Variants in OR7A17 observed in about 807,000 individuals in gnomAD.
The protein encoded by OR7A17 is olfactory receptor family 7 subfamily A member 17.
For synonymous variants in OR7A17, 159 were observed against 142.1 expected, an observed-to-expected ratio of 1.12 and a Z score of -0.85; for missense variants, 366 against 365.5, an observed-to-expected ratio of 1.00 and a Z score of -0.01.
Position 14,880,406 on chromosome 19 carries a change from T to C in OR7A17, c.*20A>G. ...ACTTAAAGCTCTGAAATCACAGTTA[T>C]TTCTTGAAAAATGGCCCTTTTATTG... On this transcript the variant is annotated 3_prime_UTR_variant, in exon 3 of 3. Coordinates refer to ENST00000641113, the MANE Select transcript of OR7A17 (RefSeq NM_030901.2). 1.9e-6 allele frequency: 3 copies of C among 1,540,872 alleles called. No individual in the cohort carries two copies. Among genetic ancestry groups the C allele is most frequent in the Non-Finnish European group, 2.6e-6 (3 of 1,140,576 alleles).
In OR7A17 at chr19:14,881,152, A is replaced by C. The variant is rs1441037422; in HGVS notation, c.204T>G (p.Phe68Leu). 1 of 1,614,000 alleles carries C rather than the reference A, an allele frequency of 6.2e-7. No homozygotes were observed. The highest frequency in any genetic ancestry group is 8.5e-7 in the Non-Finnish European group (1 of 1,180,018). Residue 68 changes from phenylalanine to leucine, a missense_variant, in exon 3 of 3, where the codon TTT becomes TTG. Phe to Leu is a conservative substitution (Grantham distance 22, BLOSUM62 0). Transcript: ENST00000641113. ...TAGTGGAGATGAAACAGATGTCTGC[A>C]AAGGACAGGTTGGAGAGGAAGAAGT... ...PMYFFLSNLS[F>L]ADICFISTTI...
rs1402163000 is a variant in OR7A17, at chr19:14,880,916, G to A, written c.440C>T (p.Ala147Val). The A allele has an allele frequency of 1.9e-6, 3 of 1,614,088 alleles. No homozygotes were observed. The African/African-American group carries it at 4.0e-5, about 22-fold the overall frequency. The change falls in exon 3 of 3, where the codon GCA (alanine) becomes GTA (valine). Residue 147 changes from alanine to valine, a missense_variant. Physicochemically the swap from Ala to Val is moderately conservative, Grantham distance 64 (BLOSUM62 0). Coordinates refer to ENST00000641113, the MANE Select transcript of OR7A17 (RefSeq NM_030901.2). Reference protein sequence around the residue: ...NPRLCGLLVLASWMIAALNSL... With the variant: ...NPRLCGLLVLVSWMIAALNSL... Reference sequence around the variant, plus strand: ...ATTCAGGGCAGCAATCATCCAGGATGCCAGAACCAGGAGTCCACAGAGCCG... The same window carrying A: ...ATTCAGGGCAGCAATCATCCAGGATACCAGAACCAGGAGTCCACAGAGCCG...
In OR7A17 at chr19:14,879,640, G is replaced by A. The variant is rs2045096098; in HGVS notation, c.*786C>T. ...GGACACTGAACTGAATAGAGGACAG[G>A]ACCCTAATGAGTAGGATAAAATGCC... is the stretch of plus-strand genomic sequence containing the variant. On this transcript the variant is annotated 3_prime_UTR_variant, in exon 3 of 3. Coordinates refer to ENST00000641113, the MANE Select transcript of OR7A17 (RefSeq NM_030901.2). 6.6e-6 allele frequency: 1 copy of A among 152,212 alleles called. No homozygotes were observed. The highest frequency in any genetic ancestry group is 1.9e-4 in the East Asian group (1 of 5,138). The allele number at this position is 152,212 out of a possible 1,614,324, so 9.4% of individuals were successfully genotyped here.
chr19:14,879,192 A>G lies in OR7A17; in HGVS notation c.*1234T>C. On this transcript the variant is annotated 3_prime_UTR_variant, in exon 3 of 3. Transcript: ENST00000641113. Reference sequence around the variant, plus strand: ...TCAGGTGTTTTTGTAATCTAAGTCCAGATGAAATCAATTGATTCACACAAA... The same window carrying G: ...TCAGGTGTTTTTGTAATCTAAGTCCGGATGAAATCAATTGATTCACACAAA... 6.6e-6 allele frequency: 1 copy of G among 152,186 alleles called. No individual in the cohort carries two copies. Among genetic ancestry groups the G allele is most frequent in the Admixed American group, 6.5e-5 (1 of 15,280 alleles). 9.4% of individuals were successfully genotyped at this position (152,186 alleles called of 1,614,324 possible).
chr19:14,882,417 T>G (rs1301431758), intron 1 of OR7A17, among the ~76,000 whole-genome samples: 1 of 152,220 alleles, frequency 6.6e-6, no homozygotes, highest in Non-Finnish European at 1.5e-5. Flanking sequence ...TCATGTCCCT[T>G]GCTGGAGTCT....
rs557211560 is a variant in OR7A17, at chr19:14,882,869, T to C, written c.-294-998A>G. Among the ~76,000 whole-genome samples, 114 of 152,336 alleles carry C rather than the reference T, an allele frequency of 7.5e-4. 1 individual carries two copies. In the South Asian group the frequency reaches 0.022, roughly 29 times the overall value. ...CACACTGTAGCTCCCTGGAGCCATGTTACTCTTGTGCTTTTCTCACCCTGG... is the reference window on the plus strand; with the variant it reads ...CACACTGTAGCTCCCTGGAGCCATGCTACTCTTGTGCTTTTCTCACCCTGG... On this transcript the variant is annotated intron_variant, in intron 1 of 2. Coordinates refer to ENST00000641113, the MANE Select transcript of OR7A17 (RefSeq NM_030901.2).
Position 14,880,526 on chromosome 19 carries a change from A to C in OR7A17, c.830T>G (p.Met277Arg). 6.2e-7 allele frequency: 1 copy of C among 1,614,032 alleles called. No homozygotes were observed. Among genetic ancestry groups the C allele is most frequent in the Admixed American group, 1.7e-5 (1 of 60,018 alleles). ...CAGCATGGGGGTGGCCACAGTGTAC[A>C]TCACTGAGGCTGTTGCACTTGTGTG... ...NSHTSATASVMYTVATPMLNP... is the reference protein window; with the variant it reads ...NSHTSATASVRYTVATPMLNP... The change falls in exon 3 of 3, where the codon ATG (methionine) becomes AGG (arginine). Residue 277 changes from methionine (M) to arginine (R), a missense_variant. Met to Arg is a moderately conservative substitution (Grantham distance 91). Coordinates refer to ENST00000641113, the MANE Select transcript of OR7A17 (RefSeq NM_030901.2).
chr19:14,881,147 T>C lies in OR7A17; in HGVS notation c.209A>G (p.Asp70Gly). Residue 70 changes from aspartate (D) to glycine (G), a missense_variant, in exon 3 of 3, where the codon GAC becomes GGC. Physicochemically the swap from Asp to Gly is moderately conservative, Grantham distance 94. Transcript: ENST00000641113. ...GATTGTAGTGGAGATGAAACAGATGTCTGCAAAGGACAGGTTGGAGAGGAA... is the reference window on the plus strand; with the variant it reads ...GATTGTAGTGGAGATGAAACAGATGCCTGCAAAGGACAGGTTGGAGAGGAA... ...YFFLSNLSFA[D>G]ICFISTTIPK... 4 of 1,614,102 alleles carry C rather than the reference T, an allele frequency of 2.5e-6. No homozygotes were observed. Among genetic ancestry groups the C allele is most frequent in the Non-Finnish European group, 3.4e-6 (4 of 1,180,014 alleles).
In OR7A17 at chr19:14,881,171, A is replaced by G; in HGVS notation, c.185T>C (p.Phe62Ser). 1 of 1,614,044 alleles carries G rather than the reference A, an allele frequency of 6.2e-7. No individual in the cohort carries two copies. Among genetic ancestry groups the G allele is most frequent in the South Asian group, 1.1e-5 (1 of 91,062 alleles). Residue 62 changes from phenylalanine to serine, a missense_variant, in exon 3 of 3, where the codon TTC (phenylalanine) becomes TCC (serine). Transcript: ENST00000641113. ...DSHLHTPMYF[F>S]LSNLSFADIC... ...GTCTGCAAAGGACAGGTTGGAGAGG[A>G]AGAAGTACATGGGGGTGTGGAGGTG...
Position 14,880,824 on chromosome 19 carries a change from A to G in OR7A17, c.532T>C (p.Phe178Leu), listed in dbSNP as rs552704475. The G allele has an allele frequency of 9.3e-6, 15 of 1,614,210 alleles. No individual in the cohort carries two copies. In the African/African-American group the frequency reaches 1.9e-4, roughly 20 times the overall value. ...FCTDLEIPHFFCELNQVIHLA... is the reference protein window; with the variant it reads ...FCTDLEIPHFLCELNQVIHLA... The stretch of plus-strand genomic sequence containing the variant: ...TGGATGACCTGATTAAGTTCACAGA[A>G]AAAGTGGGGGATTTCCAAGTCTGTG... The change falls in exon 3 of 3, where the codon TTC (phenylalanine) becomes CTC (leucine). Residue 178 changes from phenylalanine (F) to leucine (L), a missense_variant. Coordinates refer to ENST00000641113, the MANE Select transcript of OR7A17 (RefSeq NM_030901.2).
At chr19:14,885,531 A>G (rs576623344) in intron 1 of OR7A17, among the ~76,000 whole-genome samples, 134 of 152,316 alleles carry the variant, frequency 8.8e-4, no homozygotes, top group African/African-American at 3.1e-3. Context: ...CAATTGCTAC[A>G]AAGAGAATAA....
In OR7A17 at chr19:14,880,975, A is replaced by G. The variant is rs751362473; in HGVS notation, c.381T>C (p.Cys127=). 1 of 1,614,044 alleles carries G rather than the reference A, an allele frequency of 6.2e-7. No homozygotes were observed. The highest frequency in any genetic ancestry group is 8.5e-7 in the Non-Finnish European group (1 of 1,180,022). The change falls in exon 3 of 3, where the codon TGT becomes TGC. Residue 127 remains cysteine, a synonymous_variant. Coordinates refer to ENST00000641113, the MANE Select transcript of OR7A17 (RefSeq NM_030901.2). Reference sequence around the variant, plus strand: ...TGATGACTGTGTAGTGCAGAGGATGACAGATGGCCACAAACCGATCATAGG... The same window carrying G: ...TGATGACTGTGTAGTGCAGAGGATGGCAGATGGCCACAAACCGATCATAGG... ...VMAYDRFVAI[C]HPLHYTVIMN...
Position 14,880,644 on chromosome 19 carries a change from A to G in OR7A17, c.712T>C (p.Phe238Leu). Reference sequence around the variant, plus strand: ...GAGAGGTGTGATGCACAGGTGGAAAATGCCTTGTACTTCCCCTGAGCTGAT... The same window carrying G: ...GAGAGGTGTGATGCACAGGTGGAAAGTGCCTTGTACTTCCCCTGAGCTGAT... ...ISSAQGKYKA[F>L]STCASHLSVV... Residue 238 changes from phenylalanine to leucine, a missense_variant, in exon 3 of 3, where the codon TTT becomes CTT. Transcript: ENST00000641113. 3.1e-6 allele frequency: 5 copies of G among 1,614,168 alleles called. No homozygotes were observed. The highest frequency in any genetic ancestry group is 4.2e-6 in the Non-Finnish European group (5 of 1,180,022).
chr19:14,882,619 A>C (rs2045117723), intron 1 of OR7A17, among the ~76,000 whole-genome samples: 1 of 152,252 alleles, frequency 6.6e-6, no homozygotes, highest in African/African-American at 2.4e-5. Flanking sequence ...AGTCCGTCTG[A>C]CCAGATGCTG....
At position 14,880,723 on chromosome 19, in the gene OR7A17, A is replaced by T; in HGVS notation, c.633T>A (p.Leu211=). 1 of 1,614,232 alleles carries T rather than the reference A, an allele frequency of 6.2e-7. No individual in the cohort carries two copies. The highest frequency in any genetic ancestry group is 8.5e-7 in the Non-Finnish European group (1 of 1,180,042). The stretch of plus-strand genomic sequence containing the variant: ...TAGAGTAAGAGCAAAGGATCCCCAC[A>T]AGGGGACCACCAGCCAGCAGCCCTG... ...FAAGLLAGGP[L]VGILCSYSKI... is the part of the protein sequence containing the mutation. Residue 211 remains leucine, a synonymous_variant, in exon 3 of 3, where the codon CTT becomes CTA. Coordinates refer to ENST00000641113, the MANE Select transcript of OR7A17 (RefSeq NM_030901.2).
In OR7A17 at chr19:14,880,862, C is replaced by A; in HGVS notation, c.494G>T (p.Trp165Leu). Residue 165 changes from tryptophan to leucine, a missense_variant, in exon 3 of 3, where the codon TGG (tryptophan) becomes TTG (leucine). Transcript: ENST00000641113. ...NSLSQSLMVLWLSFCTDLEIP... is the reference protein window; with the variant it reads ...NSLSQSLMVLLLSFCTDLEIP... ...TTCCAAGTCTGTGCAGAAGGACAGC[C>A]ACAATACCATTAAGCTTTGTGACAA... 3 of 1,614,098 alleles carry A rather than the reference C, an allele frequency of 1.9e-6. No homozygotes were observed. Among genetic ancestry groups the A allele is most frequent in the Non-Finnish European group, 2.5e-6 (3 of 1,180,024 alleles).
In OR7A17 at chr19:14,880,874, A is replaced by G. The variant is rs1388999664; in HGVS notation, c.482T>C (p.Leu161Ser). Residue 161 changes from leucine (L) to serine (S), a missense_variant, in exon 3 of 3, where the codon TTA becomes TCA. By Grantham distance (145) the Leu-to-Ser change is moderately radical (BLOSUM62 -2). Transcript: ENST00000641113. Reference protein sequence around the residue: ...IAALNSLSQSLMVLWLSFCTD... With the variant: ...IAALNSLSQSSMVLWLSFCTD... ...GCAGAAGGACAGCCACAATACCATT[A>G]AGCTTTGTGACAAGGAATTCAGGGC... 6.2e-7 allele frequency: 1 copy of G among 1,614,080 alleles called. No individual in the cohort carries two copies. The highest frequency in any genetic ancestry group is 1.3e-5 in the African/African-American group (1 of 74,898).
chr19:14,880,947 T>G lies in OR7A17; in HGVS notation c.409A>C (p.Asn137His). ...ACCAGGAGTCCACAGAGCCGAGGGT[T>G]CATGATGACTGTGTAGTGCAGAGGA... is the stretch of plus-strand genomic sequence containing the variant. ...CHPLHYTVIM[N>H]PRLCGLLVLA... The change falls in exon 3 of 3, where the codon AAC becomes CAC. Residue 137 changes from asparagine to histidine, a missense_variant. Asn to His is a moderately conservative substitution (Grantham distance 68). Coordinates refer to ENST00000641113, the MANE Select transcript of OR7A17 (RefSeq NM_030901.2). 6.2e-7 allele frequency: 1 copy of G among 1,614,150 alleles called. No homozygotes were observed. Among genetic ancestry groups the G allele is most frequent in the East Asian group, 2.2e-5 (1 of 44,888 alleles).
chr19:14,882,633 C>T (rs534961258), intron 1 of OR7A17, among the ~76,000 whole-genome samples: 7 of 152,364 alleles, frequency 4.6e-5, no homozygotes, highest in African/African-American at 1.7e-4. Flanking sequence ...GATGCTGTTG[C>T]ATTTGCATTT....
Sources: allele counts gnomAD v4.1 joint callset (sites outside exome capture counted in the v4.1 genomes callset), GRCh38; gene constraint gnomAD v4.1.1; transcripts MANE v1.5; gene names NCBI Gene and HGNC (gene_info 2026-07-23, HGNC 2026-07-21).